Variants in RAPGEF5 observed in about 807,000 individuals in gnomAD.
The protein encoded by RAPGEF5 is Rap guanine nucleotide exchange factor 5, also known as M-Ras-regulated GEF.
In RAPGEF5, 65 loss-of-function variants were observed where a neutral mutation model predicts 125.2. The observed-to-expected ratio is 0.52, with a 90% CI of 0.43 to 0.64. The LOEUF (loss-of-function observed/expected upper bound fraction) is 0.64. RAPGEF5 is among the 30% of genes least tolerant of loss of function. The pLI, the probability that RAPGEF5 is intolerant of heterozygous loss-of-function variation, is 0.00. For synonymous variants in RAPGEF5, 391 were observed against 385.9 expected (o/e 1.01, Z -0.16); for missense variants, 958 against 1,048.1 (o/e 0.91, Z 1.19).
At chr7:22,318,395 C>A (rs533957448) in intron 1 of RAPGEF5, among the ~76,000 whole-genome samples, 5 of 152,272 alleles carry the variant, frequency 3.3e-5, no homozygotes, top group Admixed American at 6.5e-5. Flanking sequence ...ACTATACACT[C>A]AACTACCTGC....
chr7:22,231,342 G>C (rs1208821977), intron 7 of RAPGEF5, among the ~76,000 whole-genome samples: 1 of 151,922 alleles, frequency 6.6e-6, no homozygotes, highest in Admixed American at 6.6e-5. Context: ...TTTATATCTG[G>C]GTTGCTCAGT....
At chr7:22,346,344 C>A (rs138868294) in intron 1 of RAPGEF5, among the ~76,000 whole-genome samples, 56 of 152,264 alleles carry the variant, frequency 3.7e-4, no homozygotes, top group African/African-American at 1.3e-3. Flanking sequence ...CATCATACTT[C>A]CCCTAATCTC....
intron 5 of RAPGEF5, among the ~76,000 whole-genome samples, chr7:22,294,702 G>A (rs1212384860): frequency 6.6e-6 from 1 of 151,898 alleles, no homozygotes; most frequent in African/African-American, 2.4e-5. Context: ...AATCCTACTG[G>A]CTCTTCAAGA....
At position 22,316,460 on chromosome 7, in the gene RAPGEF5, CATATATAT is replaced by C. The variant is rs757768702; in HGVS notation, c.283-992_283-985del. 7.8e-3 allele frequency among the ~76,000 whole-genome samples: 720 copies of C among 92,514 alleles called. 13 individuals are homozygous for C. The highest frequency in any genetic ancestry group is 0.015 in the Middle Eastern group (2 of 136). The allele number at this position is 92,514 out of a possible 152,430, so 60.7% of individuals were successfully genotyped here. On this transcript the variant is annotated intron_variant, in intron 2 of 25. Coordinates refer to ENST00000665637, the MANE Select transcript of RAPGEF5 (RefSeq NM_012294.5). Reference sequence around the variant, plus strand: ...ATACACACGTGTATGTATACATAGACATATATATATATATATATATATATATATATTTT... The same window carrying C: ...ATACACACGTGTATGTATACATAGACATATATATATATATATATATATTTT...
intron 11 of RAPGEF5, among the ~76,000 whole-genome samples, chr7:22,177,109 T>C (rs914756507): frequency 1.3e-5 from 2 of 152,204 alleles, no homozygotes; most frequent in Non-Finnish European, 2.9e-5. Context: ...AACCATTTAC[T>C]GAACTTCTGT....
chr7:22,300,665 C>A lies in RAPGEF5; in HGVS notation c.680+7674G>T, dbSNP rs114106670. Among the ~76,000 whole-genome samples the A allele has an allele frequency of 1.2e-3, 177 of 152,214 alleles. 1 individual carries two copies. Among genetic ancestry groups the A allele is most frequent in the Middle Eastern group, 0.01 (3 of 294 alleles). ...TAGTTCATACACAAAATTAATGAAACCCTTCCCTAGGTTTACCCTCTCCTG... is the reference window on the plus strand; with the variant it reads ...TAGTTCATACACAAAATTAATGAAAACCTTCCCTAGGTTTACCCTCTCCTG... On this transcript the variant is annotated intron_variant, in intron 5 of 25. Transcript: ENST00000665637.
intron 7 of RAPGEF5, among the ~76,000 whole-genome samples, chr7:22,235,059 A>C (rs1786154434): frequency 6.6e-6 from 1 of 152,224 alleles, no homozygotes; most frequent in African/African-American, 2.4e-5. Flanking sequence ...ATTTCTTTAA[A>C]AAAATCTTAC....
At position 22,136,104 on chromosome 7, in the gene RAPGEF5, C is replaced by T; in HGVS notation, c.2350G>A (p.Ala784Thr). The change falls in exon 23 of 26, where the codon GCC (alanine) becomes ACC (threonine). Residue 784 changes from alanine to threonine, a missense_variant. By Grantham distance (58) the Ala-to-Thr change is moderately conservative. Transcript: ENST00000665637. ...SLTDPSLNHKAYRDAFKKMKP... is the reference protein window; with the variant it reads ...SLTDPSLNHKTYRDAFKKMKP... Reference sequence around the variant, plus strand: ...ATCTTTTTGAATGCATCTCTGTAGGCTTTGTGATTTAGGGAAGGATCCTGC... The same window carrying T: ...ATCTTTTTGAATGCATCTCTGTAGGTTTTGTGATTTAGGGAAGGATCCTGC... 6.2e-7 allele frequency: 1 copy of T among 1,611,898 alleles called. No individual in the cohort carries two copies. The highest frequency in any genetic ancestry group is 8.5e-7 in the Non-Finnish European group (1 of 1,179,010).
At chr7:22,338,152 A>C (rs1029777991) in intron 1 of RAPGEF5, among the ~76,000 whole-genome samples, 1 of 152,222 alleles carries the variant, frequency 6.6e-6, no homozygotes, top group Non-Finnish European at 1.5e-5. Flanking sequence ...AGATTGCTTT[A>C]ATTTCTTCCT....
rs1782489864 is a variant in RAPGEF5 at position 22,118,926 on chromosome 7, T to TG, written c.*3479dup. The TG allele has an allele frequency of 9.5e-6, 1 of 105,054 alleles. No homozygotes were observed. Among genetic ancestry groups the TG allele is most frequent in the African/African-American group, 3.8e-5 (1 of 26,634 alleles). 6.5% of individuals were successfully genotyped at this position (105,054 alleles called of 1,614,324 possible). A position where few individuals can be genotyped will look rare whatever the true frequency, so the allele number is the denominator to read the frequency against. Reference sequence around the variant, plus strand: ...CCCCCCCACCAGTTTTAAGCAAAACTGGCCCACTCGCTAAGAAGCAGGCTG... The same window carrying TG: ...CCCCCCCACCAGTTTTAAGCAAAACTGGGCCCACTCGCTAAGAAGCAGGCTG... On this transcript the variant is annotated 3_prime_UTR_variant, in exon 26 of 26. Transcript: ENST00000665637.
chr7:22,154,627 T>C, intron 16 of RAPGEF5, 23 bp from the exon 17 acceptor site: 3 of 1,608,928 alleles, frequency 1.9e-6, no homozygotes, highest in Non-Finnish European at 2.5e-6. Flanking sequence ...AAAGAATTGT[T>C]TGGAAACAGA....
intron 11 of RAPGEF5, among the ~76,000 whole-genome samples, chr7:22,183,264 A>G (rs1404688270): frequency 8.0e-6 from 1 of 125,396 alleles, no homozygotes; most frequent in East Asian, 2.2e-4. Context: ...GTGAGACTCC[A>G]TCACAAAAAA....
At chr7:22,249,130 G>A (rs371972047) in intron 7 of RAPGEF5, among the ~76,000 whole-genome samples, 1 of 152,182 alleles carries the variant, frequency 6.6e-6, no homozygotes, top group Non-Finnish European at 1.5e-5. Flanking sequence ...CACAGTTTAC[G>A]AGGATATGGC....
At chr7:22,236,851 G>A (rs1441214237) in intron 7 of RAPGEF5, among the ~76,000 whole-genome samples, 1 of 152,184 alleles carries the variant, frequency 6.6e-6, no homozygotes, top group Non-Finnish European at 1.5e-5. Context: ...CAGTGTCTCT[G>A]ATGCCATGGG....
intron 9 of RAPGEF5, among the ~76,000 whole-genome samples, 162 bp from the exon 10 acceptor site, chr7:22,194,195 C>A (rs3813383): frequency 0.14 from 21,982 of 152,050 alleles, 1,686 homozygotes; most frequent in South Asian, 0.23. Context: ...TCAAAAATCT[C>A]CCTCTAATAT....
rs1018218619 is a variant in RAPGEF5, at chr7:22,204,269, T to C, written c.997-10236A>G. ...CTCAGTGAAGAACTAATTCATAAAC[T>C]GAAATTATTTGAAAAAGCTAGTTCT... On this transcript the variant is annotated intron_variant, in intron 9 of 25. Coordinates refer to ENST00000665637, the MANE Select transcript of RAPGEF5 (RefSeq NM_012294.5). Among the ~76,000 whole-genome samples, 3 of 152,330 alleles carry C rather than the reference T, an allele frequency of 2.0e-5. No individual in the cohort carries two copies. The South Asian group carries it at 6.2e-4, about 32-fold the overall frequency.
At chr7:22,194,527 C>T in intron 9 of RAPGEF5, 1 of 908,492 alleles carries the variant, frequency 1.1e-6, no homozygotes, top group Non-Finnish European at 1.3e-6. Context: ...ATTTACTTTA[C>T]ACCCTTACTT....
chr7:22,125,722 T>C, intron 24 of RAPGEF5, 64 bp from the exon 25 acceptor site: 1 of 1,441,126 alleles, frequency 6.9e-7, no homozygotes, highest in Non-Finnish European at 9.8e-7. Context: ...GAAGAAGCAG[T>C]GCCTGCTAGG....
At chr7:22,255,086 A>G (rs1479956864) in intron 7 of RAPGEF5, among the ~76,000 whole-genome samples, 1 of 152,100 alleles carries the variant, frequency 6.6e-6, no homozygotes, top group Non-Finnish European at 1.5e-5. Context: ...GGCAAATAAG[A>G]GTTAGCAGGT....
Sources: gnomAD v4.1 joint callset for allele counts (sites outside exome capture counted in the v4.1 genomes callset) on GRCh38, gnomAD v4.1.1 for gene constraint, MANE v1.5 for transcripts, NCBI Gene and HGNC (gene_info 2026-07-23, HGNC 2026-07-21) for gene names.